IL20RA: variants seen among roughly 807,000 people sequenced by gnomAD.
IL20RA encodes interleukin 20 receptor subunit alpha.
Under a neutral mutation model 36.5 loss-of-function variants are expected in IL20RA, and 29 were observed. That is an observed-to-expected ratio of 0.79 (90% confidence interval 0.59 to 1.08). The LOEUF (loss-of-function observed/expected upper bound fraction) is 1.08, where lower values mean the gene tolerates loss of function less well. Ranked by LOEUF, IL20RA falls within the 50% of genes least tolerant of loss-of-function variation. The pLI is 0.00. For synonymous variants in IL20RA, 279 were observed against 267.1 expected, an observed-to-expected ratio of 1.04 and a Z score of -0.43; for missense variants, 652 against 668.4, an observed-to-expected ratio of 0.98 and a Z score of 0.27.
chr6:137,040,716 T>C (rs1044130605), intron 1 of IL20RA, among the ~76,000 whole-genome samples: 6 of 152,144 alleles, frequency 3.9e-5, no homozygotes, highest in Admixed American at 6.5e-5. Flanking sequence ...ATTGAATAAA[T>C]ACCTAAAAAG....
At position 137,008,718 on chromosome 6, in the gene IL20RA, G is replaced by A. The variant is rs145285325; in HGVS notation, c.605C>T (p.Thr202Met). ...RTWSQCVTNH[T>M]LVLTWLEPNT... Reference sequence around the variant, plus strand: ...CGGCTCCAGCCAGGTGAGCACCAGCGTGTGGTTGGTCACACACTGGGACCA... The same window carrying A: ...CGGCTCCAGCCAGGTGAGCACCAGCATGTGGTTGGTCACACACTGGGACCA... The change falls in exon 5 of 7, where the codon ACG (threonine) becomes ATG (methionine). Residue 202 changes from threonine to methionine, a missense_variant. Physicochemically the swap from Thr to Met is moderately conservative, Grantham distance 81. Coordinates refer to ENST00000316649, the MANE Select transcript of IL20RA (RefSeq NM_014432.4). 19 of 1,604,368 alleles carry A rather than the reference G, an allele frequency of 1.2e-5. No individual in the cohort carries two copies. The highest frequency in any genetic ancestry group is 2.3e-5 in the South Asian group (2 of 88,028).
At chr6:137,018,734 A>G (rs1775795167) in intron 1 of IL20RA, among the ~76,000 whole-genome samples, 1 of 152,196 alleles carries the variant, frequency 6.6e-6, no homozygotes, top group Non-Finnish European at 1.5e-5. Flanking sequence ...TTTTAATCAG[A>G]TTTTTGAAGA....
chr6:137,033,932 G>A (rs1776384115), intron 1 of IL20RA, among the ~76,000 whole-genome samples: 1 of 152,142 alleles, frequency 6.6e-6, no homozygotes, highest in Non-Finnish European at 1.5e-5. Flanking sequence ...AAACAACTTG[G>A]ATACTGGACC....
At chr6:137,028,166 C>T (rs948869639) in intron 1 of IL20RA, among the ~76,000 whole-genome samples, 1 of 152,158 alleles carries the variant, frequency 6.6e-6, no homozygotes, top group African/African-American at 2.4e-5. Flanking sequence ...GCCTATAATC[C>T]TAGCACTCTG....
intron 1 of IL20RA, among the ~76,000 whole-genome samples, chr6:137,043,596 CT>C (rs1776780997): frequency 6.6e-6 from 1 of 152,154 alleles, no homozygotes; most frequent in African/African-American, 2.4e-5. Context: ...TCTCCAAGAT[CT>C]GTGTGCATAC....
At chr6:137,031,307 A>G (rs13437196) in intron 1 of IL20RA, among the ~76,000 whole-genome samples, 8,762 of 152,274 alleles carry the variant, frequency 0.058, 295 homozygotes, top group African/African-American at 0.089. Context: ...TACAATGTAC[A>G]GCTGGGTGTA....
chr6:137,044,723 C>T lies in IL20RA; in HGVS notation c.6G>A (p.Arg2=). The part of the protein sequence containing the change: M[R]APGRPALRPL... Reference sequence around the variant, plus strand: ...GCCGCAGGGCCGGGCGGCCGGGAGCCCGCATGGGCGGCGGGGCTGGGTCAC... The same window carrying T: ...GCCGCAGGGCCGGGCGGCCGGGAGCTCGCATGGGCGGCGGGGCTGGGTCAC... Residue 2 remains arginine, a synonymous_variant, in exon 1 of 7, where the codon CGG becomes CGA. Coordinates refer to ENST00000316649, the MANE Select transcript of IL20RA (RefSeq NM_014432.4). 8.2e-7 allele frequency: 1 copy of T among 1,219,022 alleles called. No individual in the cohort carries two copies. The highest frequency in any genetic ancestry group is 1.0e-6 in the Non-Finnish European group (1 of 980,224). The allele number at this position is 1,219,022 out of a possible 1,614,324, so 75.5% of individuals were successfully genotyped here.
intron 6 of IL20RA, among the ~76,000 whole-genome samples, chr6:137,003,954 C>T (rs550399790): frequency 6.6e-6 from 1 of 152,134 alleles, no homozygotes; most frequent in Admixed American, 6.5e-5. Flanking sequence ...CCTCCTTGTA[C>T]CCCCAGAATT....
rs536413740 is a variant in IL20RA at position 137,019,663 on chromosome 6, T to C, written c.89-2560A>G. 1.4e-4 allele frequency among the ~76,000 whole-genome samples: 21 copies of C among 152,328 alleles called. No individual in the cohort carries two copies. The East Asian group carries it at 3.5e-3, about 25-fold the overall frequency. ...AATGTTCATTGATTCAGTAGACAGT[T>C]TGATTAATGCTTTGTAATTGTCTAA... On this transcript the variant is annotated intron_variant, in intron 1 of 6. Transcript: ENST00000316649.
intron 6 of IL20RA, among the ~76,000 whole-genome samples, chr6:137,004,159 CT>C (rs140038413): frequency 0.025 from 2,218 of 87,850 alleles, 316 homozygotes; most frequent in African/African-American, 0.06. Context: ...ATCCAGAAAG[CT>C]TTTTTTTTTT....
At chr6:137,010,036 C>A (rs1008709159) in intron 3 of IL20RA, among the ~76,000 whole-genome samples, 13 of 152,302 alleles carry the variant, frequency 8.5e-5, no homozygotes, top group African/African-American at 2.6e-4. Context: ...GTTAGAACAG[C>A]AAACTCAAGT....
rs540275962 is a variant in IL20RA at position 137,014,913 on chromosome 6, C to T, written c.224+2055G>A. Among the ~76,000 whole-genome samples the T allele has an allele frequency of 8.6e-4, 131 of 152,314 alleles. 1 individual carries two copies. The highest frequency in any genetic ancestry group is 4.4e-5 in the Non-Finnish European group (3 of 68,026). ...GTCGTCTTTAGTTAGTGCTCCACCT[C>T]ATCCTCCAGGAAGATCTCAGAAAAG... On this transcript the variant is annotated intron_variant, in intron 2 of 6. Coordinates refer to ENST00000316649, the MANE Select transcript of IL20RA (RefSeq NM_014432.4).
intron 1 of IL20RA, 118 bp downstream of exon 1, chr6:137,044,523 G>A (rs899936751): frequency 2.6e-5 from 28 of 1,074,322 alleles, no homozygotes; most frequent in Non-Finnish European, 3.3e-5. Flanking sequence ...TCCTCTGCCC[G>A]CCCGAAAGCG....
chr6:137,026,855 T>C (rs1776104780), intron 1 of IL20RA, among the ~76,000 whole-genome samples: 2 of 152,274 alleles, frequency 1.3e-5, no homozygotes, highest in Middle Eastern at 3.4e-3. Flanking sequence ...TCTTCCTAAT[T>C]ATATATCAAG....
chr6:137,041,406 G>A (rs980567472), intron 1 of IL20RA, among the ~76,000 whole-genome samples: 81 of 152,326 alleles, frequency 5.3e-4, no homozygotes, highest in African/African-American at 1.8e-3. Flanking sequence ...TTTTAATTGG[G>A]AGAAACCAGG....
intron 1 of IL20RA, among the ~76,000 whole-genome samples, chr6:137,017,594 G>A (rs912949056): frequency 6.6e-6 from 1 of 152,076 alleles, no homozygotes; most frequent in Non-Finnish European, 1.5e-5. Context: ...GGGGTAGTTT[G>A]TTATGCACAG....
At chr6:137,040,891 C>T (rs1165570879) in intron 1 of IL20RA, among the ~76,000 whole-genome samples, 1 of 152,134 alleles carries the variant, frequency 6.6e-6, no homozygotes, top group Non-Finnish European at 1.5e-5. Flanking sequence ...AGGATTTTTG[C>T]ATAATCTCAA....
chr6:137,009,239 A>C, intron 4 of IL20RA, 78 bp downstream of exon 4: 1 of 1,111,896 alleles, frequency 9.0e-7, no homozygotes, highest in Non-Finnish European at 1.4e-6. Flanking sequence ...GCAGAGAATC[A>C]ATGCATCAGG....
intron 6 of IL20RA, 111 bp from the exon 7 acceptor site, chr6:137,002,466 C>T: frequency 1.4e-6 from 1 of 689,844 alleles, no homozygotes. Flanking sequence ...CTACTCTTAC[C>T]AACTCATGTA....
Sources: gnomAD v4.1 joint callset for allele counts (sites outside exome capture counted in the v4.1 genomes callset) on GRCh38, gnomAD v4.1.1 for gene constraint, MANE v1.5 for transcripts, NCBI Gene and HGNC (gene_info 2026-07-23, HGNC 2026-07-21) for gene names.